Variants in WDR49 observed in about 807,000 individuals in gnomAD.
WDR49 encodes WD repeat domain 49, also known as cilia- and flagella-associated protein 337.
Under a neutral mutation model 119.5 loss-of-function variants are expected in WDR49, and 107 were observed. The ratio of observed to expected loss-of-function variants is 0.90; its 90% confidence interval spans 0.77 to 1.05. The LOEUF (loss-of-function observed/expected upper bound fraction) is 1.05. WDR49 is among the 50% of genes least tolerant of loss of function. The probability of loss-of-function intolerance (pLI) is 0.00; values close to 1 mark genes in which losing one functional copy is unlikely to be tolerated. For missense variants in WDR49, 1,240 were observed against 1,220.5 expected, an observed-to-expected ratio of 1.02 and a Z score of -0.24; for synonymous variants, 425 against 418.8, an observed-to-expected ratio of 1.01 and a Z score of -0.18.
chr3:167,498,883 A>G (rs1751458220), intron 18 of WDR49, among the ~76,000 whole-genome samples: 1 of 152,184 alleles, frequency 6.6e-6, no homozygotes, highest in African/African-American at 2.4e-5. Context: ...TGGGGTAGAC[A>G]GCAGGAGAAG....
intron 3 of WDR49, among the ~76,000 whole-genome samples, chr3:167,622,809 A>T (rs1238465978): frequency 6.6e-6 from 1 of 152,158 alleles, no homozygotes; most frequent in East Asian, 1.9e-4. Context: ...GGTAGACCAT[A>T]TATTAGGTGA....
intron 7 of WDR49, among the ~76,000 whole-genome samples, chr3:167,597,043 A>G (rs1715503610): frequency 6.6e-6 from 1 of 152,034 alleles, no homozygotes; most frequent in African/African-American, 2.4e-5. Context: ...GCCAAATGTT[A>G]ATAGCCAAGA....
At chr3:167,630,842 T>C (rs1334676050) in intron 2 of WDR49, among the ~76,000 whole-genome samples, 3 of 152,070 alleles carry the variant, frequency 2.0e-5, no homozygotes, top group Non-Finnish European at 2.9e-5. Context: ...ATTTAATATA[T>C]TGTTAATTAA....
At chr3:167,548,549 C>A (rs1304603955) in intron 10 of WDR49, among the ~76,000 whole-genome samples, 1 of 151,892 alleles carries the variant, frequency 6.6e-6, no homozygotes, top group Non-Finnish European at 1.5e-5. Context: ...CTTAAGTAGT[C>A]TATTTTATTA....
At chr3:167,539,810 A>T (rs1711675076) in intron 10 of WDR49, among the ~76,000 whole-genome samples, 1 of 152,080 alleles carries the variant, frequency 6.6e-6, no homozygotes, top group Non-Finnish European at 1.5e-5. Flanking sequence ...TGACACTGTG[A>T]TCTATATTTA....
intron 10 of WDR49, 27 bp from the exon 11 acceptor site, chr3:167,537,027 T>G: frequency 6.5e-7 from 1 of 1,548,058 alleles, no homozygotes; most frequent in Non-Finnish European, 8.7e-7. Context: ...AGAATTTAGC[T>G]GTGGATCTAA....
At chr3:167,523,303 A>C (rs555261197) in intron 15 of WDR49, among the ~76,000 whole-genome samples, 1 of 152,278 alleles carries the variant, frequency 6.6e-6, no homozygotes, top group African/African-American at 2.4e-5. Flanking sequence ...GGCAATAAAA[A>C]AATTCAGAGA....
chr3:167,562,820 A>C (rs1048633730), intron 8 of WDR49, among the ~76,000 whole-genome samples: 2 of 152,248 alleles, frequency 1.3e-5, no homozygotes, highest in Non-Finnish European at 2.9e-5. Flanking sequence ...TGTAAACCAG[A>C]AATATTCATA....
intron 11 of WDR49, 73 bp from the exon 12 acceptor site, chr3:167,533,050 A>G: frequency 9.4e-7 from 1 of 1,058,300 alleles, no homozygotes; most frequent in Non-Finnish European, 1.4e-6. Flanking sequence ...AGCAATCAGA[A>G]GAAGTTATTA....
At chr3:167,502,689 C>T (rs1414103677) in intron 17 of WDR49, among the ~76,000 whole-genome samples, 2 of 152,096 alleles carry the variant, frequency 1.3e-5, no homozygotes, top group African/African-American at 4.8e-5. Flanking sequence ...GAAGTTTGAA[C>T]TTAACAGTGA....
intron 18 of WDR49, among the ~76,000 whole-genome samples, chr3:167,495,012 C>T (rs562231244): frequency 7.2e-5 from 11 of 151,942 alleles, no homozygotes; most frequent in African/African-American, 2.4e-4. Flanking sequence ...TTCTCTCTGC[C>T]GAATTAAGGA....
chr3:167,581,019 T>C (rs1230759269), intron 7 of WDR49, among the ~76,000 whole-genome samples: 1 of 152,126 alleles, frequency 6.6e-6, no homozygotes, highest in African/African-American at 2.4e-5. Flanking sequence ...TGAGAACTTG[T>C]GATATCTGTC....
chr3:167,624,495 T>C (rs1036681265), intron 3 of WDR49, among the ~76,000 whole-genome samples: 1 of 152,050 alleles, frequency 6.6e-6, no homozygotes, highest in African/African-American at 2.4e-5. Context: ...AAAACACTGC[T>C]AGGAAATTTT....
chr3:167,587,302 G>A (rs1001239914), intron 7 of WDR49, among the ~76,000 whole-genome samples: 10 of 152,074 alleles, frequency 6.6e-5, no homozygotes, highest in Non-Finnish European at 1.3e-4. Flanking sequence ...ATCTCAAAAA[G>A]TAGGCCAGCT....
At position 167,527,946 on chromosome 3, in the gene WDR49, A is replaced by T; in HGVS notation, c.2478T>A (p.His826Gln). Reference protein sequence around the residue: ...APTLIRSFQPHEDRISSLEMC... With the variant: ...APTLIRSFQPQEDRISSLEMC... ...TCTCTAAGGAACTTATTCGGTCCTC[A>T]TGAGGTTGGAATGATCTTATCAGAG... The change falls in exon 15 of 19, where the codon CAT becomes CAA. Residue 826 changes from histidine (H) to glutamine (Q), a missense_variant. Physicochemically the swap from His to Gln is conservative, Grantham distance 24. Coordinates refer to ENST00000682715, the MANE Select transcript of WDR49 (RefSeq NM_001366157.1). The T allele has an allele frequency of 6.2e-7, 1 of 1,613,388 alleles. No individual in the cohort carries two copies. The highest frequency in any genetic ancestry group is 2.2e-5 in the East Asian group (1 of 44,828).
chr3:167,576,590 T>C (rs1714265079), intron 7 of WDR49, among the ~76,000 whole-genome samples: 2 of 152,128 alleles, frequency 1.3e-5, no homozygotes, highest in Non-Finnish European at 2.9e-5. Flanking sequence ...GGTCTTTAAA[T>C]GTGAAAGAGG....
At chr3:167,511,733 C>T (rs1751982659) in intron 16 of WDR49, among the ~76,000 whole-genome samples, 1 of 152,178 alleles carries the variant, frequency 6.6e-6, no homozygotes, top group Non-Finnish European at 1.5e-5. Flanking sequence ...GAGGGGCAGT[C>T]ACCATCACTG....
intron 18 of WDR49, among the ~76,000 whole-genome samples, chr3:167,486,167 A>G (rs1750909619): frequency 6.6e-6 from 1 of 152,196 alleles, no homozygotes; most frequent in Non-Finnish European, 1.5e-5. Flanking sequence ...TAAGTGAAAG[A>G]TAAATAAAAT....
At chr3:167,491,900 A>C (rs1415764308) in intron 18 of WDR49, among the ~76,000 whole-genome samples, 1 of 152,250 alleles carries the variant, frequency 6.6e-6, no homozygotes, top group African/African-American at 2.4e-5. Context: ...GACATAAAAA[A>C]CCCAGCAGGT....
Sources: gnomAD v4.1 joint callset for allele counts (sites outside exome capture counted in the v4.1 genomes callset) on GRCh38, gnomAD v4.1.1 for gene constraint, MANE v1.5 for transcripts, NCBI Gene and HGNC (gene_info 2026-07-23, HGNC 2026-07-21) for gene names.